CACNA2D2: variants seen among roughly 807,000 people sequenced by gnomAD.
The protein encoded by CACNA2D2 is voltage-dependent calcium channel subunit alpha-2/delta-2.
CACNA2D2 carries 48 observed loss-of-function variants against 166.4 expected under a neutral mutation model. The observed-to-expected ratio is 0.29, with a 90% confidence interval of 0.23 to 0.37. The LOEUF is 0.37. Among genes scored for constraint, CACNA2D2 ranks in the 10% least tolerant of loss-of-function variants. The pLI, the probability that CACNA2D2 is intolerant of heterozygous loss-of-function variation, is 1.00. For synonymous variants in CACNA2D2, 561 were observed against 573.7 expected (o/e 0.98, Z 0.32); for missense variants, 1,122 against 1,433.0 (o/e 0.78, Z 3.50).
At chr3:50,499,862 G>C (rs1159121533) in intron 1 of CACNA2D2, among the ~76,000 whole-genome samples, 1 of 152,138 alleles carries the variant, frequency 6.6e-6, no homozygotes, top group Non-Finnish European at 1.5e-5. Context: ...GATAAAGATG[G>C]AGTCCAGGGG....
chr3:50,393,830 C>T (rs947464859), intron 4 of CACNA2D2, among the ~76,000 whole-genome samples: 11 of 152,208 alleles, frequency 7.2e-5, no homozygotes, highest in Admixed American at 6.5e-4. Context: ...ATCTGAACAC[C>T]TTATCTGGGG....
chr3:50,452,979 TGAA>T (rs1421801839), intron 2 of CACNA2D2, among the ~76,000 whole-genome samples: 1 of 152,206 alleles, frequency 6.6e-6, no homozygotes, highest in Non-Finnish European at 1.5e-5. Context: ...CCTCTTTGTC[TGAA>T]GATGATGCAG....
rs202246703 is a variant in CACNA2D2, at chr3:50,365,436, G to T, written c.3018C>A (p.Cys1006Ter). The change falls in exon 35 of 38, where the codon TGC (cysteine) becomes TGA (stop). Residue 1006 changes from cysteine to a stop codon, truncating the protein, a stop_gained. Transcript: ENST00000424201. LOFTEE classifies it high-confidence loss of function. This position sits in a 1 kb window ranked among gnomAD's most constrained non-coding sequence, Gnocchi z 4.5. ...AGTAGTACTGGGTCTGTTTCATGACGCAGCTGCTCTCGCGCGTCTCGGGGC... is the reference window on the plus strand; with the variant it reads ...AGTAGTACTGGGTCTGTTTCATGACTCAGCTGCTCTCGCGCGTCTCGGGGC... ...EGSPETRESS[C>*]VMKQTQYYFG... The T allele has an allele frequency of 6.2e-7, 1 of 1,613,634 alleles. No homozygotes were observed. Among genetic ancestry groups the T allele is most frequent in the Non-Finnish European group, 8.5e-7 (1 of 1,179,888 alleles).
At chr3:50,477,965 C>T (rs1439857411) in intron 1 of CACNA2D2, among the ~76,000 whole-genome samples, 2 of 152,106 alleles carry the variant, frequency 1.3e-5, no homozygotes, top group Non-Finnish European at 2.9e-5. Context: ...CTGTATGTGC[C>T]TGGGTCGGTT....
In CACNA2D2 at chr3:50,390,515, G is replaced by A. The variant is rs924565616; in HGVS notation, c.466-2903C>T. Among the ~76,000 whole-genome samples, 33 of 152,210 alleles carry A rather than the reference G, an allele frequency of 2.2e-4. 1 individual carries two copies. The highest frequency in any genetic ancestry group is 2.1e-3 in the Admixed American group (32 of 15,286). ...CAGAGGAGAGGCTGAGTGTGGAAGA[G>A]TCCCGGGTGGAGTGAAACGGGTGTC... On this transcript the variant is annotated intron_variant, in intron 4 of 37. Coordinates refer to ENST00000424201, the MANE Select transcript of CACNA2D2 (RefSeq NM_006030.4).
chr3:50,461,289 G>A (rs1709573005), intron 2 of CACNA2D2, among the ~76,000 whole-genome samples: 1 of 152,230 alleles, frequency 6.6e-6, no homozygotes, highest in African/African-American at 2.4e-5. Flanking sequence ...GGAAGGAATG[G>A]AGTGCTGCCT....
At position 50,364,818 on chromosome 3, in the gene CACNA2D2, G is replaced by A. The variant is rs751413131; in HGVS notation, c.3292-12C>T. 7.4e-6 allele frequency: 12 copies of A among 1,612,600 alleles called. No individual in the cohort carries two copies. The highest frequency in any genetic ancestry group is 1.1e-5 in the South Asian group (1 of 91,036). On this transcript the variant is annotated splice_polypyrimidine_tract_variant and intron_variant, in intron 37 of 37. Coordinates refer to ENST00000424201, the MANE Select transcript of CACNA2D2 (RefSeq NM_006030.4). ...TCTGAGGTATCTTCCTGCGGGGAGA[G>A]ACAAGGAGCTGGTCGGCCTGGGCGG...
intron 3 of CACNA2D2, among the ~76,000 whole-genome samples, chr3:50,428,824 G>A (rs1707923377): frequency 6.6e-6 from 1 of 152,166 alleles, no homozygotes; most frequent in African/African-American, 2.4e-5. Flanking sequence ...CTATTCCCTT[G>A]ACCCTGTCCC....
intron 3 of CACNA2D2, among the ~76,000 whole-genome samples, chr3:50,401,655 CCA>C (rs2106762352): frequency 6.6e-6 from 1 of 152,260 alleles, no homozygotes; most frequent in East Asian, 1.9e-4. Context: ...AAAAAAACTC[CCA>C]CTCTCTCTTA....
intron 1 of CACNA2D2, among the ~76,000 whole-genome samples, chr3:50,476,594 TG>T (rs1697779006): frequency 6.6e-6 from 1 of 152,226 alleles, no homozygotes; most frequent in African/African-American, 2.4e-5. Context: ...TGAGGTCTGC[TG>T]GATCTTGGAG....
rs1704294778 is a variant in CACNA2D2, at chr3:50,366,441, G to C, written c.2638-103C>G. 8.2e-6 allele frequency: 12 copies of C among 1,462,076 alleles called. No individual in the cohort carries two copies. Among genetic ancestry groups the C allele is most frequent in the Non-Finnish European group, 1.2e-5 (12 of 1,042,702 alleles). 90.6% of individuals were successfully genotyped at this position (1,462,076 alleles called of 1,614,324 possible). ...AGAGTTGGGGGGCATCACTCCCCCAGTCCTGGGAAGGCTGTGAAGTCAGGG... is the reference window on the plus strand; with the variant it reads ...AGAGTTGGGGGGCATCACTCCCCCACTCCTGGGAAGGCTGTGAAGTCAGGG... On this transcript the variant is annotated intron_variant, in intron 30 of 37. Coordinates refer to ENST00000424201, the MANE Select transcript of CACNA2D2 (RefSeq NM_006030.4). The surrounding 1 kb of genome is among the most constrained non-coding windows in gnomAD (Gnocchi z 5.9).
chr3:50,365,293 C>A lies in CACNA2D2; in HGVS notation c.3098+63G>T. On this transcript the variant is annotated intron_variant, in intron 35 of 37. Transcript: ENST00000424201. This position sits in a 1 kb window ranked among gnomAD's most constrained non-coding sequence, Gnocchi z 4.5. ...GGAGGCCCCGCCCCTTCCATCCTCC[C>A]GAGCGTCTCGCCCCGCTCACAGGTT... 6.3e-7 allele frequency: 1 copy of A among 1,597,392 alleles called. No homozygotes were observed. Among genetic ancestry groups the A allele is most frequent in the Non-Finnish European group, 8.5e-7 (1 of 1,172,552 alleles).
intron 6 of CACNA2D2, among the ~76,000 whole-genome samples, chr3:50,381,674 G>A (rs1180280571): frequency 1.3e-5 from 2 of 151,994 alleles, no homozygotes; most frequent in African/African-American, 2.4e-5. Context: ...TGGAGGGGCA[G>A]GGGCATGCCA....
At chr3:50,383,596 C>G (rs995831537) in intron 6 of CACNA2D2, among the ~76,000 whole-genome samples, 13 of 152,174 alleles carry the variant, frequency 8.5e-5, no homozygotes, top group African/African-American at 3.1e-4. Flanking sequence ...GTAAAGCTGC[C>G]TTGTCCCTGA....
At position 50,427,538 on chromosome 3, in the gene CACNA2D2, G is replaced by A. The variant is rs1198557688; in HGVS notation, c.405+6775C>T. Among the ~76,000 whole-genome samples, 1 of 152,238 alleles carries A rather than the reference G, an allele frequency of 6.6e-6. No homozygotes were observed. The highest frequency in any genetic ancestry group is 2.4e-5 in the African/African-American group (1 of 41,466). ...TCCTTTCCAGAGCAGGAGAGTGGAA[G>A]GGTCAAGATCTCTTAATGTTCATAA... On this transcript the variant is annotated intron_variant, in intron 3 of 37. Coordinates refer to ENST00000424201, the MANE Select transcript of CACNA2D2 (RefSeq NM_006030.4). The surrounding 1 kb of genome is among the most constrained non-coding windows in gnomAD (Gnocchi z 4.7).
At chr3:50,468,273 C>T (rs994847444) in intron 2 of CACNA2D2, among the ~76,000 whole-genome samples, 1 of 152,198 alleles carries the variant, frequency 6.6e-6, no homozygotes, top group Non-Finnish European at 1.5e-5. Flanking sequence ...ACCCTGGCTA[C>T]TCTTCAACAA....
chr3:50,468,269 G>C (rs1575736112), intron 2 of CACNA2D2, among the ~76,000 whole-genome samples: 4 of 152,146 alleles, frequency 2.6e-5, no homozygotes, highest in African/African-American at 9.7e-5. Context: ...GCAGACCCTG[G>C]CTACTCTTCA....
intron 3 of CACNA2D2, among the ~76,000 whole-genome samples, chr3:50,409,001 T>A (rs1002705915): frequency 6.6e-6 from 1 of 152,204 alleles, no homozygotes; most frequent in South Asian, 2.1e-4. Context: ...GACCCCTGAA[T>A]CCCAGCTGGC....
chr3:50,468,030 G>A (rs963915607), intron 2 of CACNA2D2, among the ~76,000 whole-genome samples: 1 of 152,156 alleles, frequency 6.6e-6, no homozygotes, highest in Non-Finnish European at 1.5e-5. Context: ...CCATGAATCC[G>A]AGGCAAGTGT....
Sources: allele counts gnomAD v4.1 joint callset (sites outside exome capture counted in the v4.1 genomes callset), GRCh38; gene constraint gnomAD v4.1.1; non-coding constraint Gnocchi (gnomAD v3.1); transcripts MANE v1.5; gene names NCBI Gene and HGNC (gene_info 2026-07-23, HGNC 2026-07-21).